Variants in ERBB4 observed in about 807,000 individuals in gnomAD.
The protein encoded by ERBB4 is erb-b2 receptor tyrosine kinase 4, also known as receptor tyrosine-protein kinase erbB-4.
ERBB4 carries 42 observed loss-of-function variants against 158.0 expected under a neutral mutation model. That is an observed-to-expected ratio of 0.27 (90% CI 0.21 to 0.34). ERBB4 has a LOEUF of 0.34. Among genes scored for constraint, ERBB4 ranks in the 10% least tolerant of loss-of-function variants. ERBB4 has a pLI of 1.00. For missense variants in ERBB4, 1,333 were observed against 1,624.1 expected (o/e 0.82, Z 3.08); for synonymous variants, 583 against 558.7 (o/e 1.04, Z -0.61).
chr2:212,124,536 A>G (rs945248277), intron 2 of ERBB4: 3 of 566,476 alleles, frequency 5.3e-6, no homozygotes, highest in Non-Finnish European at 9.5e-6. Context: ...TTAGGGCAAC[A>G]GCAACTGCTT....
chr2:212,065,666 G>C (rs1334666400), intron 2 of ERBB4, among the ~76,000 whole-genome samples: 1 of 151,996 alleles, frequency 6.6e-6, no homozygotes, highest in East Asian at 1.9e-4. Flanking sequence ...TGGAAACTGT[G>C]TGAAAATGTC....
At chr2:212,466,649 T>C (rs929765822) in intron 1 of ERBB4, among the ~76,000 whole-genome samples, 3 of 152,208 alleles carry the variant, frequency 2.0e-5, no homozygotes, top group Non-Finnish European at 4.4e-5. Flanking sequence ...AATAAACCTC[T>C]TTCTTTTGTA....
intron 4 of ERBB4, chr2:211,779,831 G>A (rs1182423503): frequency 6.6e-6 from 1 of 152,120 alleles, no homozygotes; most frequent in Non-Finnish European, 1.5e-5. Context: ...TAACCTCTAT[G>A]ACTCTCTCGA....
chr2:212,328,029 T>TA (rs35809596), intron 1 of ERBB4, among the ~76,000 whole-genome samples: 134,299 of 145,282 alleles, frequency 0.92, 62,164 homozygotes, highest in African/African-American at 0.95. Context: ...AAAACAACTT[T>TA]AAAAAAAAAA....
intron 20 of ERBB4, among the ~76,000 whole-genome samples, chr2:211,534,520 G>A (rs1352242905): frequency 6.6e-6 from 1 of 152,138 alleles, no homozygotes; most frequent in East Asian, 1.9e-4. Context: ...TAATCATCAT[G>A]ATTTGAAATG....
chr2:211,883,317 G>C (rs1478988264), intron 3 of ERBB4, among the ~76,000 whole-genome samples: 1 of 152,056 alleles, frequency 6.6e-6, no homozygotes, highest in Non-Finnish European at 1.5e-5. Flanking sequence ...GGAGCGGGGA[G>C]GGATAGCATT....
chr2:211,753,165 A>T (rs1216198537), intron 4 of ERBB4, among the ~76,000 whole-genome samples: 4 of 43,120 alleles, frequency 9.3e-5, no homozygotes, highest in African/African-American at 3.0e-4. Context: ...CTGATTAGAG[A>T]TATTTATGAA....
At chr2:211,403,677 G>T (rs557184574) in intron 25 of ERBB4, among the ~76,000 whole-genome samples, 264 of 152,180 alleles carry the variant, frequency 1.7e-3, no homozygotes, top group Non-Finnish European at 2.8e-3. Context: ...AGCTCTCAAT[G>T]CCAATTCTTT....
At chr2:212,319,040 A>G (rs4300779) in intron 1 of ERBB4, among the ~76,000 whole-genome samples, 106,072 of 151,362 alleles carry the variant, frequency 0.7, 40,405 homozygotes, top group Non-Finnish European at 0.85. Context: ...CTATGACATC[A>G]CTGAAGTCTA....
In ERBB4 at chr2:212,239,003, T is replaced by C. The variant is rs551296048; in HGVS notation, c.83-114100A>G. ...AGTTCTGGTTCAGTTCAAACACTTATTAATTAATGGCCTTTATTAAATCCC... is the reference window on the plus strand; with the variant it reads ...AGTTCTGGTTCAGTTCAAACACTTACTAATTAATGGCCTTTATTAAATCCC... On this transcript the variant is annotated intron_variant, in intron 1 of 27. Transcript: ENST00000342788. Among the ~76,000 whole-genome samples the C allele has an allele frequency of 2.6e-3, 389 of 152,328 alleles. 4 individuals carry two copies. The highest frequency in any genetic ancestry group is 8.9e-3 in the African/African-American group (372 of 41,572).
intron 2 of ERBB4, among the ~76,000 whole-genome samples, chr2:212,068,324 T>C (rs957209247): frequency 2.6e-5 from 4 of 151,936 alleles, no homozygotes; most frequent in Non-Finnish European, 4.4e-5. Context: ...AAGAAGGGAA[T>C]TGTTAAATAA....
chr2:211,524,000 A>C (rs922692861), intron 20 of ERBB4, among the ~76,000 whole-genome samples: 1 of 152,056 alleles, frequency 6.6e-6, no homozygotes, highest in East Asian at 1.9e-4. Flanking sequence ...AAGGTTCTCC[A>C]AGGCCCCACC....
At chr2:212,489,837 A>C (rs976830556) in intron 1 of ERBB4, among the ~76,000 whole-genome samples, 4 of 151,772 alleles carry the variant, frequency 2.6e-5, no homozygotes, top group Non-Finnish European at 5.9e-5. Context: ...AATAATATAC[A>C]ACTTCCTCTG....
intron 2 of ERBB4, among the ~76,000 whole-genome samples, chr2:212,124,026 A>C (rs2079841291): frequency 6.6e-6 from 1 of 152,200 alleles, no homozygotes; most frequent in South Asian, 2.1e-4. Flanking sequence ...TCACTTTGTC[A>C]AAGGCCCCTT....
At chr2:211,727,440 G>T (rs1434922077) in intron 5 of ERBB4, among the ~76,000 whole-genome samples, 1 of 151,792 alleles carries the variant, frequency 6.6e-6, no homozygotes, top group East Asian at 1.9e-4. Context: ...ACAGGGTTTG[G>T]TACTTAATAC....
intron 25 of ERBB4, among the ~76,000 whole-genome samples, chr2:211,411,499 G>A (rs192063696): frequency 1.3e-5 from 2 of 152,250 alleles, no homozygotes; most frequent in Admixed American, 1.3e-4. Context: ...AATACATAAG[G>A]AGAGGAGCTC....
At chr2:212,222,602 C>A (rs570415163) in intron 1 of ERBB4, among the ~76,000 whole-genome samples, 25 of 149,040 alleles carry the variant, frequency 1.7e-4, no homozygotes, top group African/African-American at 6.1e-4. Context: ...TTTCATGACA[C>A]CATATTCTCT....
At position 211,484,360 on chromosome 2, in the gene ERBB4, T is replaced by A. The variant is rs111350600; in HGVS notation, c.2488-53260A>T. On this transcript the variant is annotated intron_variant, in intron 20 of 27. Transcript: ENST00000342788. ...GGAAAACAAATAGCAAGATGGTAGA[T>A]CTAAATCTAGTTACATCAATGATCA... is the stretch of plus-strand genomic sequence containing the variant. Among the ~76,000 whole-genome samples the A allele has an allele frequency of 7.4e-3, 1,134 of 152,222 alleles. 9 individuals are homozygous for A. The highest frequency in any genetic ancestry group is 0.026 in the African/African-American group (1,075 of 41,524).
chr2:212,281,631 A>T (rs919528384), intron 1 of ERBB4, among the ~76,000 whole-genome samples: 4 of 151,994 alleles, frequency 2.6e-5, no homozygotes, highest in African/African-American at 9.6e-5. Flanking sequence ...CAAGCATTTA[A>T]ATAGCTGAAG....
Sources: gnomAD v4.1 joint callset for allele counts (sites outside exome capture counted in the v4.1 genomes callset) on GRCh38, gnomAD v4.1.1 for gene constraint, MANE v1.5 for transcripts, NCBI Gene and HGNC (gene_info 2026-07-23, HGNC 2026-07-21) for gene names.